PLXNA4: variants seen among roughly 807,000 people sequenced by gnomAD.
The protein encoded by PLXNA4 is plexin A4.
PLXNA4 carries 44 observed loss-of-function variants against 191.8 expected under a neutral mutation model. That is an observed-to-expected ratio of 0.23 (90% CI 0.18 to 0.29). The LOEUF (loss-of-function observed/expected upper bound fraction) is 0.29. PLXNA4 is among the 10% of genes least tolerant of loss of function. PLXNA4 has a pLI of 1.00. For missense variants in PLXNA4, 1,800 were observed against 2,488.8 expected (o/e 0.72, Z 5.89); for synonymous variants, 1,082 against 1,009.5 (o/e 1.07, Z -1.36).
chr7:132,274,575 T>C (rs892982083), intron 4 of PLXNA4, among the ~76,000 whole-genome samples: 1 of 152,096 alleles, frequency 6.6e-6, no homozygotes, highest in African/African-American at 2.4e-5. Flanking sequence ...AACCTCATCA[T>C]CTCTCATTTC....
intron 28 of PLXNA4, 24 bp from the exon 29 acceptor site, chr7:132,145,312 A>G (rs1210864502): frequency 1.2e-6 from 2 of 1,612,634 alleles, no homozygotes; most frequent in Non-Finnish European, 1.7e-6. Flanking sequence ...ATACGTCCAG[A>G]CACAGCTCGA....
chr7:132,383,435 G>A, intron 3 of PLXNA4: 2 of 446,186 alleles, frequency 4.5e-6, no homozygotes, highest in Non-Finnish European at 5.9e-6. Flanking sequence ...TAAATAAATA[G>A]AAAACAATAA....
intron 20 of PLXNA4, among the ~76,000 whole-genome samples, chr7:132,178,304 G>T (rs1406163066): frequency 6.6e-6 from 1 of 151,970 alleles, no homozygotes; most frequent in Non-Finnish European, 1.5e-5. Context: ...CTAGTGGGGT[G>T]AAGGTGCTCT....
chr7:132,435,406 C>T (rs1278435966), intron 3 of PLXNA4, among the ~76,000 whole-genome samples: 1 of 152,100 alleles, frequency 6.6e-6, no homozygotes, highest in African/African-American at 2.4e-5. Flanking sequence ...CTAATCGGCC[C>T]CGTGGATGGA....
chr7:132,282,996 C>CA (rs965931636), intron 4 of PLXNA4, among the ~76,000 whole-genome samples: 3 of 141,022 alleles, frequency 2.1e-5, no homozygotes, highest in African/African-American at 9.6e-5. Flanking sequence ...CCCACCTCAG[C>CA]CCCCCCCAAG....
At chr7:132,515,050 G>A (rs1201071810) in intron 1 of PLXNA4, among the ~76,000 whole-genome samples, 2 of 152,180 alleles carry the variant, frequency 1.3e-5, no homozygotes, top group Non-Finnish European at 2.9e-5. Flanking sequence ...GGAGGGCATA[G>A]TGATTGGATC....
chr7:132,215,506 G>A (rs1043778089), intron 9 of PLXNA4, among the ~76,000 whole-genome samples: 13 of 152,206 alleles, frequency 8.5e-5, no homozygotes, highest in African/African-American at 3.1e-4. Flanking sequence ...GGTGGAAAAG[G>A]AGCATCTTTT....
intron 3 of PLXNA4, among the ~76,000 whole-genome samples, chr7:132,399,714 G>T (rs1410701110): frequency 6.6e-6 from 1 of 152,228 alleles, no homozygotes; most frequent in Non-Finnish European, 1.5e-5. Context: ...TCTGGCATCT[G>T]AAAATGTTGT....
At chr7:132,493,798 G>A (rs190279140) in intron 2 of PLXNA4, among the ~76,000 whole-genome samples, 293 of 151,798 alleles carry the variant, frequency 1.9e-3, no homozygotes, top group Non-Finnish European at 3.1e-3. Flanking sequence ...TGGATGGTTC[G>A]TTGGACAGAT....
chr7:132,309,444 C>T (rs1284356882), intron 3 of PLXNA4, among the ~76,000 whole-genome samples: 1 of 152,130 alleles, frequency 6.6e-6, no homozygotes, highest in Non-Finnish European at 1.5e-5. Flanking sequence ...GTCAGCTCCT[C>T]ATCCACACGC....
intron 3 of PLXNA4, among the ~76,000 whole-genome samples, chr7:132,332,156 G>A (rs1397264995): frequency 6.6e-6 from 1 of 152,184 alleles, no homozygotes; most frequent in African/African-American, 2.4e-5. Context: ...TCTTGTACCT[G>A]TGAAGGGAGT....
intron 21 of PLXNA4, among the ~76,000 whole-genome samples, chr7:132,173,288 C>A (rs1213617570): frequency 6.6e-6 from 1 of 152,052 alleles, no homozygotes. Flanking sequence ...GAGCAAAGAC[C>A]AGGAGCAAGA....
In PLXNA4 at chr7:132,205,529, G is replaced by A. The variant is rs1797588529; in HGVS notation, c.2299-2110C>T. Among the ~76,000 whole-genome samples, 5 of 152,208 alleles carry A rather than the reference G, an allele frequency of 3.3e-5. No homozygotes were observed. The South Asian group carries it at 1.0e-3, about 32-fold the overall frequency. On this transcript the variant is annotated intron_variant, in intron 10 of 31. Coordinates refer to ENST00000321063, the MANE Select transcript of PLXNA4 (RefSeq NM_020911.2). ...TTTGTGTGTGTGTGAGAGAGAGAGAGAGAGAGAACTTCCAGGCTTCCAGTT... is the reference window on the plus strand; with the variant it reads ...TTTGTGTGTGTGTGAGAGAGAGAGAAAGAGAGAACTTCCAGGCTTCCAGTT...
In PLXNA4 at chr7:132,191,289, G is replaced by A. The variant is rs190359172; in HGVS notation, c.2856+2773C>T. On this transcript the variant is annotated intron_variant, in intron 14 of 31. Coordinates refer to ENST00000321063, the MANE Select transcript of PLXNA4 (RefSeq NM_020911.2). ...GGGAAAAGGAAGACTCTGGGACATG[G>A]TGATGGATTGATGTCAGGAATGAAG... Among the ~76,000 whole-genome samples, 172 of 152,290 alleles carry A rather than the reference G, an allele frequency of 1.1e-3. 1 individual carries two copies. Among genetic ancestry groups the A allele is most frequent in the African/African-American group, 3.9e-3 (162 of 41,562 alleles).
rs75119699 is a variant in PLXNA4, at chr7:132,289,220, C to A, written c.1503+8871G>T. On this transcript the variant is annotated intron_variant, in intron 4 of 31. Coordinates refer to ENST00000321063, the MANE Select transcript of PLXNA4 (RefSeq NM_020911.2). ...AAATAGAAGAAGGAAAGGGACAGGA[C>A]AACATGGACAGGCCTCCCCTTCTCC... Among the ~76,000 whole-genome samples the A allele has an allele frequency of 2.5e-3, 377 of 152,362 alleles. 8 individuals carry two copies. In the East Asian group the frequency reaches 0.058, roughly 23 times the overall value.
chr7:132,177,035 A>G (rs1279578550), intron 20 of PLXNA4, among the ~76,000 whole-genome samples: 4 of 101,390 alleles, frequency 3.9e-5, no homozygotes, highest in Admixed American at 9.8e-5. Context: ...GTGTGTAAGT[A>G]TATGTCAGTG....
At chr7:132,620,707 T>C (rs953460839) in intron 2 of PLXNA4, among the ~76,000 whole-genome samples, 6 of 152,244 alleles carry the variant, frequency 3.9e-5, no homozygotes, top group African/African-American at 1.2e-4. Context: ...TACCTTTTGC[T>C]CTGCTACTTG....
upstream of PLXNA4, among the ~76,000 whole-genome samples, chr7:132,580,805 C>T (rs1280358816): frequency 6.6e-6 from 1 of 152,154 alleles, no homozygotes; most frequent in Non-Finnish European, 1.5e-5. Flanking sequence ...TTTCTTTCCC[C>T]CAAGAGCTGC....
At chr7:132,558,291 C>T (rs1226433640) in intron 1 of PLXNA4, among the ~76,000 whole-genome samples, 1 of 152,118 alleles carries the variant, frequency 6.6e-6, no homozygotes, top group Non-Finnish European at 1.5e-5. Context: ...ACAGTATGTG[C>T]TGGAGAAATG....
Sources: gnomAD v4.1 joint callset for allele counts (sites outside exome capture counted in the v4.1 genomes callset) on GRCh38, gnomAD v4.1.1 for gene constraint, MANE v1.5 for transcripts, NCBI Gene and HGNC (gene_info 2026-07-23, HGNC 2026-07-21) for gene names.